LRPPRC: variants seen among roughly 807,000 people sequenced by gnomAD.
LRPPRC encodes the protein leucine rich pentatricopeptide repeat containing.
A neutral mutation model predicts 180.3 loss-of-function variants in LRPPRC; 120 were observed. The observed-to-expected ratio is 0.67, with a 90% CI of 0.57 to 0.77. The LOEUF (loss-of-function observed/expected upper bound fraction) is 0.77, where lower values mean the gene tolerates loss of function less well. Ranked by LOEUF, LRPPRC falls within the 30% of genes least tolerant of loss-of-function variation. The pLI is 0.00. For synonymous variants in LRPPRC, 723 were observed against 600.0 expected (o/e 1.21, Z -3.00); for missense variants, 2,012 against 1,657.2 (o/e 1.21, Z -3.72).
At chr2:43,995,313 G>A (rs998641793) in intron 1 of LRPPRC, among the ~76,000 whole-genome samples, 1 of 152,180 alleles carries the variant, frequency 6.6e-6, no homozygotes, top group Non-Finnish European at 1.5e-5. Flanking sequence ...CCAGCTTTAA[G>A]TCATCCGTGG....
In LRPPRC at chr2:43,896,823, G is replaced by T. The variant is rs535900509; in HGVS notation, c.3826-115C>A. ...ATACAGTAGTGTATTATTACCAATA[G>T]GAAGGCCTAATAGTCGACTATTATT... On this transcript the variant is annotated intron_variant, in intron 34 of 37. Coordinates refer to ENST00000260665, the MANE Select transcript of LRPPRC (RefSeq NM_133259.4). 75 of 725,810 alleles carry T rather than the reference G, an allele frequency of 1.0e-4. No homozygotes were observed. In the Middle Eastern group the frequency reaches 1.2e-3, roughly 11 times the overall value. 45.0% of individuals were successfully genotyped at this position (725,810 alleles called of 1,614,324 possible).
In LRPPRC at chr2:43,974,143, A is replaced by G; in HGVS notation, c.1155+7T>C. On this transcript the variant is annotated splice_region_variant and intron_variant, in intron 9 of 37. Transcript: ENST00000260665. ...CATTGTCTACAAAGTAAAAGTGGAC[A>G]GAATACCGTATTCATAGTCACACAG... is the stretch of plus-strand genomic sequence containing the variant. 6.2e-7 allele frequency: 1 copy of G among 1,612,940 alleles called. No homozygotes were observed. Among genetic ancestry groups the G allele is most frequent in the Non-Finnish European group, 8.5e-7 (1 of 1,178,886 alleles).
At chr2:43,895,360 A>G (rs1397837257) in intron 35 of LRPPRC, among the ~76,000 whole-genome samples, 1 of 152,184 alleles carries the variant, frequency 6.6e-6, no homozygotes, top group East Asian at 1.9e-4. Context: ...TATTCAGTCA[A>G]TCCACACCTG....
At chr2:43,889,539 T>G (rs1028923835) in intron 37 of LRPPRC, among the ~76,000 whole-genome samples, 195 bp downstream of exon 37, 2 of 152,034 alleles carry the variant, frequency 1.3e-5, no homozygotes, top group Non-Finnish European at 1.5e-5. Flanking sequence ...TTTTAAACTG[T>G]GGCCCCAGAG....
chr2:43,992,940 A>G (rs1674851533), intron 1 of LRPPRC, among the ~76,000 whole-genome samples: 1 of 152,208 alleles, frequency 6.6e-6, no homozygotes, highest in Non-Finnish European at 1.5e-5. Flanking sequence ...GGAAAAGGTC[A>G]CAAAAGAGAA....
chr2:43,986,852 A>T (rs1318847372), intron 1 of LRPPRC, among the ~76,000 whole-genome samples: 1 of 152,242 alleles, frequency 6.6e-6, no homozygotes, highest in African/African-American at 2.4e-5. Context: ...CAAAGTCTCT[A>T]ATGGCAGATA....
upstream of LRPPRC, chr2:43,996,043 C>A (rs546722304): frequency 1.5e-6 from 2 of 1,307,162 alleles, no homozygotes; most frequent in Non-Finnish European, 2.1e-6. Context: ...GACCAACTGC[C>A]GGGCGTGCCA....
At chr2:43,967,507 TA>T (rs1673614542) in intron 11 of LRPPRC, among the ~76,000 whole-genome samples, 2 of 152,148 alleles carry the variant, frequency 1.3e-5, no homozygotes, top group African/African-American at 4.8e-5. Context: ...CTAAGAGGTT[TA>T]AATGTATTTT....
chr2:43,898,153 T>C (rs1670756942), intron 34 of LRPPRC, among the ~76,000 whole-genome samples: 1 of 151,720 alleles, frequency 6.6e-6, no homozygotes, highest in South Asian at 2.1e-4. Context: ...GAATTTCCCT[T>C]CTCCAGCAAC....
At chr2:43,905,866 A>G in intron 30 of LRPPRC, 86 bp from the exon 31 acceptor site, 1 of 900,218 alleles carries the variant, frequency 1.1e-6, no homozygotes. Context: ...GAAATTATAA[A>G]AACTACTGTT....
rs772814684 is a variant in LRPPRC, at chr2:43,905,751, A to G, written c.3305T>C (p.Leu1102Pro). The G allele has an allele frequency of 2.5e-5, 40 of 1,613,882 alleles. No individual in the cohort carries two copies. The highest frequency in any genetic ancestry group is 8.9e-5 in the East Asian group (4 of 44,882). ...FAETHIKGFT[L>P]NDAANSRLII... ...GAGGCGGCTGTTGGCAGCATCGTTC[A>G]GTGTGAAGCCCTTGATGTGGGTCTC... is the stretch of plus-strand genomic sequence containing the variant. Residue 1102 changes from leucine (L) to proline (P), a missense_variant, in exon 31 of 38, where the codon CTG becomes CCG. Leu to Pro is a moderately conservative substitution (Grantham distance 98, BLOSUM62 -3). Transcript: ENST00000260665.
chr2:43,967,687 C>A (rs183180180), intron 11 of LRPPRC, among the ~76,000 whole-genome samples: 1 of 152,090 alleles, frequency 6.6e-6, no homozygotes, highest in Non-Finnish European at 1.5e-5. Flanking sequence ...GAGCGAGACT[C>A]GGTCTCAAAT....
At chr2:43,969,392 A>G (rs1488921519) in intron 11 of LRPPRC, among the ~76,000 whole-genome samples, 1 of 150,754 alleles carries the variant, frequency 6.6e-6, no homozygotes, top group Non-Finnish European at 1.5e-5. Context: ...CCTGGGCGAC[A>G]GAGCGAGACT....
At chr2:43,984,602 T>A (rs914059131) in intron 1 of LRPPRC, among the ~76,000 whole-genome samples, 3 of 152,194 alleles carry the variant, frequency 2.0e-5, no homozygotes, top group African/African-American at 7.2e-5. Flanking sequence ...ACTCTTCAGT[T>A]ATATGGTCCA....
intron 20 of LRPPRC, among the ~76,000 whole-genome samples, chr2:43,946,468 A>C (rs1672685843): frequency 6.6e-6 from 1 of 152,022 alleles, no homozygotes; most frequent in Non-Finnish European, 1.5e-5. Flanking sequence ...GTAATATAAA[A>C]TAGGCCATTA....
chr2:43,900,383 C>A (rs908704136), intron 32 of LRPPRC, among the ~76,000 whole-genome samples: 1 of 151,550 alleles, frequency 6.6e-6, no homozygotes, highest in African/African-American at 2.4e-5. Context: ...AAACATAATT[C>A]TCTAACTAAA....
chr2:43,967,344 G>A lies in LRPPRC; in HGVS notation c.1370-3638C>T, dbSNP rs1572557609. Among the ~76,000 whole-genome samples the A allele has an allele frequency of 2.0e-5, 3 of 152,152 alleles. No homozygotes were observed. The South Asian group carries it at 6.2e-4, about 32-fold the overall frequency. On this transcript the variant is annotated intron_variant, in intron 11 of 37. Transcript: ENST00000260665. ...TGGGAGGTCAAGGCTGACAGAGTGA[G>A]ACACTGTCTCCAAAACATCATGTTG...
At chr2:43,954,503 G>C (rs1251907605) in intron 14 of LRPPRC, among the ~76,000 whole-genome samples, 1 of 152,222 alleles carries the variant, frequency 6.6e-6, no homozygotes, top group Non-Finnish European at 1.5e-5. Flanking sequence ...GCTGGTAGAA[G>C]TGTGAATTGC....
At chr2:43,892,658 G>A (rs760921384) in intron 36 of LRPPRC, 2 of 152,168 alleles carry the variant, frequency 1.3e-5, no homozygotes, top group Non-Finnish European at 2.9e-5. Flanking sequence ...AGATCAAGGA[G>A]TAATCTTGAC....
Sources: gnomAD v4.1 joint callset for allele counts (sites outside exome capture counted in the v4.1 genomes callset) on GRCh38, gnomAD v4.1.1 for gene constraint, MANE v1.5 for transcripts, NCBI Gene and HGNC (gene_info 2026-07-23, HGNC 2026-07-21) for gene names.